Variants in ITGBL1 observed in about 807,000 individuals in gnomAD.
The protein encoded by ITGBL1 is integrin subunit beta like 1.
In ITGBL1, 51 loss-of-function variants were observed where a neutral mutation model predicts 68.5. The ratio of observed to expected loss-of-function variants is 0.74; its 90% CI spans 0.59 to 0.94. The LOEUF is 0.94. Ranked by LOEUF, ITGBL1 falls within the 40% of genes least tolerant of loss-of-function variation. The pLI, the probability that ITGBL1 is intolerant of heterozygous loss-of-function variation, is 0.00. For missense variants in ITGBL1, 649 were observed against 647.4 expected (o/e 1.00, Z -0.03); for synonymous variants, 209 against 227.3 (o/e 0.92, Z 0.72).
downstream of ITGBL1, chr13:101,719,389 C>T (rs1292554117): frequency 3.3e-5 from 5 of 152,028 alleles, no homozygotes; most frequent in East Asian, 9.7e-4. Flanking sequence ...TCTCTTTAAG[C>T]CACTGCTACC....
At chr13:101,562,317 A>G (rs2050113062) in intron 2 of ITGBL1, among the ~76,000 whole-genome samples, 1 of 152,082 alleles carries the variant, frequency 6.6e-6, no homozygotes, top group African/African-American at 2.4e-5. Context: ...TTGCTTAGAA[A>G]GTTGGTAGAT....
At chr13:101,683,493 A>G (rs1224622675) in intron 7 of ITGBL1, among the ~76,000 whole-genome samples, 2 of 151,968 alleles carry the variant, frequency 1.3e-5, no homozygotes, top group Non-Finnish European at 2.9e-5. Flanking sequence ...CATTTGGGGC[A>G]TTTCTCCTTT....
chr13:101,641,797 G>GT (rs2032386785), intron 7 of ITGBL1, among the ~76,000 whole-genome samples: 1 of 144,876 alleles, frequency 6.9e-6, no homozygotes, highest in Non-Finnish European at 1.5e-5. Flanking sequence ...CCACCTATGA[G>GT]TGAGAATATG....
chr13:101,528,047 C>A (rs1421787040), intron 2 of ITGBL1, among the ~76,000 whole-genome samples: 1 of 151,210 alleles, frequency 6.6e-6, no homozygotes, highest in Non-Finnish European at 1.5e-5. Flanking sequence ...ATTATTTTTT[C>A]TTTAATGGCT....
chr13:101,489,926 A>G, intron 2 of ITGBL1: 1 of 1,458,514 alleles, frequency 6.9e-7, no homozygotes, highest in Non-Finnish European at 9.3e-7. Flanking sequence ...TTTTAGAACA[A>G]GCAGAAAACA....
At chr13:101,664,417 T>C (rs993450660) in intron 7 of ITGBL1, among the ~76,000 whole-genome samples, 1 of 152,160 alleles carries the variant, frequency 6.6e-6, no homozygotes, top group Admixed American at 6.5e-5. Flanking sequence ...GAGATCTCTA[T>C]TATAATAATT....
At chr13:101,471,146 G>A (rs1323535310) in intron 2 of ITGBL1, among the ~76,000 whole-genome samples, 1 of 152,120 alleles carries the variant, frequency 6.6e-6, no homozygotes, top group Non-Finnish European at 1.5e-5. Flanking sequence ...ATTTTCATAT[G>A]TGAAAGTGTG....
chr13:101,701,162 G>T (rs899678523), intron 8 of ITGBL1, among the ~76,000 whole-genome samples: 3 of 152,168 alleles, frequency 2.0e-5, no homozygotes, highest in Non-Finnish European at 4.4e-5. Flanking sequence ...CAAAGCATTT[G>T]AATATTAATG....
intron 7 of ITGBL1, among the ~76,000 whole-genome samples, chr13:101,662,385 G>C (rs931486584): frequency 3.3e-5 from 5 of 152,158 alleles, no homozygotes; most frequent in African/African-American, 1.2e-4. Flanking sequence ...TAAGTTGTAT[G>C]ATGGGAGCTA....
At position 101,715,553 on chromosome 13, in the gene ITGBL1, T is replaced by G; in HGVS notation, c.1394-10T>G. 6.3e-7 allele frequency: 1 copy of G among 1,594,646 alleles called. No individual in the cohort carries two copies. The highest frequency in any genetic ancestry group is 8.6e-7 in the Non-Finnish European group (1 of 1,162,386). ...TCATAATCATGATACCTATATGTAT[T>G]TTATTGCAGGGAATGGAATATGTAG... On this transcript the variant is annotated splice_polypyrimidine_tract_variant and intron_variant, in intron 10 of 10. Transcript: ENST00000376180.
chr13:101,699,011 G>A (rs1294514843), intron 8 of ITGBL1, among the ~76,000 whole-genome samples: 2 of 152,152 alleles, frequency 1.3e-5, no homozygotes, highest in Non-Finnish European at 2.9e-5. Context: ...GTTCATCGCT[G>A]CAATTTGAAG....
At chr13:101,642,415 T>G (rs1384402950) in intron 7 of ITGBL1, among the ~76,000 whole-genome samples, 4 of 152,300 alleles carry the variant, frequency 2.6e-5, no homozygotes, top group Admixed American at 6.5e-5. Flanking sequence ...GGGTTGTTTG[T>G]TTTTTTCTTG....
At chr13:101,676,985 G>A (rs188497667) in intron 7 of ITGBL1, among the ~76,000 whole-genome samples, 33 of 152,184 alleles carry the variant, frequency 2.2e-4, no homozygotes, top group African/African-American at 3.4e-4. Context: ...TTAGCTGGGC[G>A]TGGTGGCACA....
chr13:101,486,784 T>G (rs1207114922), intron 2 of ITGBL1, among the ~76,000 whole-genome samples: 1 of 152,228 alleles, frequency 6.6e-6, no homozygotes, highest in African/African-American at 2.4e-5. Context: ...TATATTACTA[T>G]TCATTTATTC....
At chr13:101,565,146 C>A (rs563712771) in intron 2 of ITGBL1, among the ~76,000 whole-genome samples, 1 of 152,036 alleles carries the variant, frequency 6.6e-6, no homozygotes, top group African/African-American at 2.4e-5. Context: ...ATGGAAGATT[C>A]AGGAAACTAA....
chr13:101,664,875 A>C (rs1031585033), intron 7 of ITGBL1, among the ~76,000 whole-genome samples: 14 of 152,214 alleles, frequency 9.2e-5, no homozygotes, highest in African/African-American at 3.4e-4. Context: ...CTGGGATTAC[A>C]GGCACCCACC....
chr13:101,550,913 C>T (rs892549312), intron 2 of ITGBL1, among the ~76,000 whole-genome samples: 1 of 152,170 alleles, frequency 6.6e-6, no homozygotes, highest in South Asian at 2.1e-4. Context: ...TAACTTAGTT[C>T]AAGCCTACTT....
chr13:101,548,684 C>G (rs2049868845), intron 2 of ITGBL1, among the ~76,000 whole-genome samples: 1 of 151,556 alleles, frequency 6.6e-6, no homozygotes, highest in Non-Finnish European at 1.5e-5. Context: ...CTATCATTAA[C>G]TTGATAAAGA....
intron 3 of ITGBL1, among the ~76,000 whole-genome samples, chr13:101,571,870 T>C (rs1273618566): frequency 6.6e-6 from 1 of 152,184 alleles, no homozygotes; most frequent in East Asian, 1.9e-4. Flanking sequence ...GACTGGATTC[T>C]ATGTATGCAA....
Sources: gnomAD v4.1 joint callset for allele counts (sites outside exome capture counted in the v4.1 genomes callset) on GRCh38, gnomAD v4.1.1 for gene constraint, MANE v1.5 for transcripts, NCBI Gene and HGNC (gene_info 2026-07-23, HGNC 2026-07-21) for gene names.